PLCD4: variants seen among roughly 807,000 people sequenced by gnomAD.
The protein encoded by PLCD4 is phospholipase C delta 4.
A neutral mutation model predicts 90.2 loss-of-function variants in PLCD4; 63 were observed. The observed-to-expected ratio is 0.70, with a 90% CI of 0.57 to 0.86. PLCD4 has a LOEUF of 0.86. PLCD4 is among the 40% of genes least tolerant of loss of function. PLCD4 has a pLI of 0.00. For missense variants in PLCD4, 830 were observed against 956.3 expected (o/e 0.87, Z 1.74); for synonymous variants, 294 against 356.5 (o/e 0.82, Z 1.97).
intron 6 of PLCD4, among the ~76,000 whole-genome samples, chr2:218,627,077 C>CCCTGTCTCT (rs1315961623): frequency 4.6e-5 from 7 of 151,568 alleles, no homozygotes; most frequent in Admixed American, 2.0e-4. Context: ...CACGGTGAAA[C>CCCTGTCTCT]CCTGTCTCTA....
At position 218,622,574 on chromosome 2, in the gene PLCD4, A is replaced by C. The variant is rs561944772; in HGVS notation, c.541-73A>C. On this transcript the variant is annotated intron_variant, in intron 5 of 15. Transcript: ENST00000450993. ...TATGTACCCAGAAAAATTTAAAAAA[A>C]AATTTTTTTAATTAAAAAGATAACA... 4.4e-6 allele frequency: 5 copies of C among 1,134,550 alleles called. No homozygotes were observed. In the African/African-American group the frequency reaches 6.3e-5, roughly 14 times the overall value. The allele number at this position is 1,134,550 out of a possible 1,614,324, so 70.3% of individuals were successfully genotyped here.
intron 1 of PLCD4, among the ~76,000 whole-genome samples, chr2:218,613,439 T>G (rs1363978380): frequency 6.8e-6 from 1 of 146,886 alleles, no homozygotes; most frequent in Non-Finnish European, 1.5e-5. Context: ...CAGGTAGAGA[T>G]ACCCTTTAAA....
intron 2 of PLCD4, 31 bp from the exon 3 acceptor site, chr2:218,615,873 G>A: frequency 2.5e-6 from 4 of 1,612,068 alleles, no homozygotes; most frequent in Middle Eastern, 1.7e-4. Context: ...CCTCTCTGCT[G>A]GCTACCTAAC....
intron 6 of PLCD4, among the ~76,000 whole-genome samples, chr2:218,625,132 AGAAAGAAAGAAAG>A (rs1559270297): frequency 7.4e-6 from 1 of 134,480 alleles, no homozygotes; most frequent in Admixed American, 7.5e-5. Flanking sequence ...AAAAAAAAAA[AGAAAGAAAGAAAG>A]AAAAAAGAAA....
chr2:218,633,952 G>A, intron 11 of PLCD4, 153 bp from the exon 12 acceptor site: 2 of 1,229,712 alleles, frequency 1.6e-6, no homozygotes, highest in South Asian at 1.5e-5. Context: ...CAGGAAAGCT[G>A]GTCTGGATGG....
rs1411062473 is a variant in PLCD4, at chr2:218,635,798, G to T, written c.1899G>T (p.Val633=). The change falls in exon 14 of 16, where the codon GTG becomes GTT. Residue 633 remains valine (V), a splice_region_variant and synonymous_variant. Transcript: ENST00000450993. ...PFKAQTLLIQ[V]ISGQQLPKVD... is the part of the protein sequence containing the mutation. The stretch of plus-strand genomic sequence containing the variant: ...AGATTCCAGAGCCCTGACTACAGGT[G>T]ATCAGCGGTCAGCAACTCCCCAAAG... 6.2e-7 allele frequency: 1 copy of T among 1,611,772 alleles called. No individual in the cohort carries two copies. The highest frequency in any genetic ancestry group is 8.5e-7 in the Non-Finnish European group (1 of 1,179,042).
chr2:218,636,751 CT>C lies in PLCD4; in HGVS notation c.*180del. 2 of 705,810 alleles carry C rather than the reference CT, an allele frequency of 2.8e-6. No homozygotes were observed. Among genetic ancestry groups the C allele is most frequent in the Non-Finnish European group, 4.8e-6 (2 of 412,628 alleles). The allele number at this position is 705,810 out of a possible 1,614,324, so 43.7% of individuals were successfully genotyped here. ...AGCAATCTGGGACCTGATTTTCCAC[CT>C]TTTTTCTCTTTTCTTCCCTTCCTTT... On this transcript the variant is annotated 3_prime_UTR_variant, in exon 16 of 16. Coordinates refer to ENST00000450993, the MANE Select transcript of PLCD4 (RefSeq NM_032726.4).
chr2:218,628,365 A>C, intron 7 of PLCD4, 135 bp downstream of exon 7: 1 of 796,362 alleles, frequency 1.3e-6, no homozygotes, highest in Non-Finnish European at 2.0e-6. Flanking sequence ...TACCAGAGAC[A>C]CTTGGAGGAG....
chr2:218,619,888 TTTTA>T (rs1695794660), intron 4 of PLCD4, among the ~76,000 whole-genome samples: 1 of 152,000 alleles, frequency 6.6e-6, no homozygotes, highest in Non-Finnish European at 1.5e-5. Context: ...ACATTTTATT[TTTTA>T]TTTGAGACAG....
chr2:218,628,248 A>G lies in PLCD4; in HGVS notation c.974+18A>G, dbSNP rs759025336. ...TATATACGGTGCAGTGGTGGTAGAG[A>G]AGGGGTCCAACTCATGAGAGGGACC... On this transcript the variant is annotated intron_variant, in intron 7 of 15. Coordinates refer to ENST00000450993, the MANE Select transcript of PLCD4 (RefSeq NM_032726.4). The G allele has an allele frequency of 6.2e-7, 1 of 1,609,330 alleles. No homozygotes were observed. The highest frequency in any genetic ancestry group is 1.7e-5 in the Admixed American group (1 of 60,020).
intron 4 of PLCD4, among the ~76,000 whole-genome samples, chr2:218,619,266 CAT>C (rs3074252): frequency 0.13 from 18,646 of 146,132 alleles, 2,833 homozygotes; most frequent in African/African-American, 0.37. Flanking sequence ...TATAGGGGTA[CAT>C]ATATATATAT....
rs1696775409 is a variant in PLCD4, at chr2:218,636,653, C to T, written c.*76C>T. 1 of 1,432,464 alleles carries T rather than the reference C, an allele frequency of 7.0e-7. No individual in the cohort carries two copies. Among genetic ancestry groups the T allele is most frequent in the Non-Finnish European group, 9.7e-7 (1 of 1,035,758 alleles). 88.7% of individuals were successfully genotyped at this position (1,432,464 alleles called of 1,614,324 possible). On this transcript the variant is annotated 3_prime_UTR_variant, in exon 16 of 16. Transcript: ENST00000450993. ...ACATCTGGAAGGATGCTCGAGAGAACAAATGGAGGTGGTGAAAATCAAGCT... is the reference window on the plus strand; with the variant it reads ...ACATCTGGAAGGATGCTCGAGAGAATAAATGGAGGTGGTGAAAATCAAGCT...
chr2:218,615,240 GAA>G (rs1222519714), intron 1 of PLCD4, among the ~76,000 whole-genome samples: 1 of 152,098 alleles, frequency 6.6e-6, no homozygotes, highest in African/African-American at 2.4e-5. Flanking sequence ...AAAAGAAAAA[GAA>G]AGTCTGCACT....
intron 4 of PLCD4, among the ~76,000 whole-genome samples, chr2:218,620,982 T>A (rs905829518): frequency 6.6e-6 from 1 of 150,940 alleles, no homozygotes; most frequent in African/African-American, 2.4e-5. Context: ...CAGGCTGGAA[T>A]GCAGTGGTGC....
At chr2:218,629,701 A>G in intron 8 of PLCD4, 38 bp downstream of exon 8, 2 of 1,596,152 alleles carry the variant, frequency 1.3e-6, no homozygotes, top group Non-Finnish European at 1.7e-6. Flanking sequence ...TGAGGCCAGA[A>G]GGTCTGAGGG....
At chr2:218,621,976 A>T (rs1363150425) in intron 5 of PLCD4, among the ~76,000 whole-genome samples, 1 of 148,660 alleles carries the variant, frequency 6.7e-6, no homozygotes, top group Non-Finnish European at 1.5e-5. Flanking sequence ...GCTACTAGGT[A>T]GGCTGAGGCA....
rs1696199019 is a variant in PLCD4, at chr2:218,628,202, G to A, written c.946G>A (p.Gly316Ser). 2 of 1,613,886 alleles carry A rather than the reference G, an allele frequency of 1.2e-6. No homozygotes were observed. Among genetic ancestry groups the A allele is most frequent in the Non-Finnish European group, 1.7e-6 (2 of 1,179,790 alleles). The change falls in exon 7 of 16, where the codon GGC becomes AGC. Residue 316 changes from glycine to serine, a missense_variant. Transcript: ENST00000450993. The part of the protein sequence containing the change: ...NTYLVGDQLC[G>S]QSSVEGYIRA... ...CTACCTAGTGGGGGACCAGCTTTGT[G>A]GCCAGAGCAGCGTCGAGGGATATAT...
chr2:218,621,323 T>C (rs968245885), intron 4 of PLCD4, 147 bp from the exon 5 acceptor site: 1 of 914,288 alleles, frequency 1.1e-6, no homozygotes, highest in Admixed American at 2.4e-5. Flanking sequence ...CTAGAGAGAT[T>C]ATTCTAGAAG....
intron 3 of PLCD4, among the ~76,000 whole-genome samples, chr2:218,616,934 A>ATATATATATG (rs1199144362): frequency 2.3e-4 from 4 of 17,448 alleles, no homozygotes; most frequent in Non-Finnish European, 4.2e-4. Context: ...ATATAGAGAG[A>ATATATATATG]GAGAGAGAGA....
Sources: gnomAD v4.1 joint callset for allele counts (sites outside exome capture counted in the v4.1 genomes callset) on GRCh38, gnomAD v4.1.1 for gene constraint, MANE v1.5 for transcripts, NCBI Gene and HGNC (gene_info 2026-07-23, HGNC 2026-07-21) for gene names.